The following BAZ1A variants were observed in gnomAD, a reference collection of about 807,000 sequenced individuals.
The protein encoded by BAZ1A is bromodomain adjacent to zinc finger domain protein 1A.
A neutral mutation model predicts 185.2 loss-of-function variants in BAZ1A; 50 were observed. The observed-to-expected ratio is 0.27, with a 90% CI of 0.22 to 0.34. The LOEUF (loss-of-function observed/expected upper bound fraction) is 0.34, where lower values mean the gene tolerates loss of function less well. Ranked by LOEUF, BAZ1A falls within the 10% of genes least tolerant of loss-of-function variation. BAZ1A has a pLI of 1.00. For missense variants in BAZ1A, 1,356 were observed against 1,839.9 expected (o/e 0.74, Z 4.81); for synonymous variants, 571 against 615.6 (o/e 0.93, Z 1.07).
chr14:34,778,875 G>A (rs1879846680), intron 17 of BAZ1A, among the ~76,000 whole-genome samples: 1 of 152,060 alleles, frequency 6.6e-6, no homozygotes, highest in Admixed American at 6.6e-5. Flanking sequence ...ATTTTTTTGA[G>A]AAAGGACCTT....
chr14:34,853,576 G>A (rs113447289), intron 3 of BAZ1A, among the ~76,000 whole-genome samples: 9,501 of 152,234 alleles, frequency 0.062, 398 homozygotes, highest in Non-Finnish European at 0.097. Flanking sequence ...TTTAAGGTCA[G>A]GAGTTTGAGA....
chr14:34,806,978 C>A (rs1566572787), intron 6 of BAZ1A, among the ~76,000 whole-genome samples: 2 of 150,740 alleles, frequency 1.3e-5, no homozygotes, highest in African/African-American at 4.9e-5. Context: ...CCAGGCTGGT[C>A]TCCTGGGCTC....
intron 3 of BAZ1A, among the ~76,000 whole-genome samples, chr14:34,856,421 C>G (rs980728292): frequency 6.6e-6 from 1 of 151,710 alleles, no homozygotes; most frequent in African/African-American, 2.4e-5. Flanking sequence ...GTAGCTAGGA[C>G]TACAGGCACA....
At chr14:34,825,463 A>AAAAAG (rs2042153443) in intron 4 of BAZ1A, among the ~76,000 whole-genome samples, 1 of 108,522 alleles carries the variant, frequency 9.2e-6, no homozygotes, top group Non-Finnish European at 2.0e-5. Context: ...AAAAAAAAAA[A>AAAAAG]AAAAAAAAAA....
At chr14:34,843,119 T>TAA (rs11389052) in intron 3 of BAZ1A, among the ~76,000 whole-genome samples, 66 of 141,250 alleles carry the variant, frequency 4.7e-4, no homozygotes, top group South Asian at 2.0e-3. Context: ...AGGGACTGGC[T>TAA]AAAAAAAAAA....
intron 16 of BAZ1A, among the ~76,000 whole-genome samples, chr14:34,780,600 G>T (rs1358765864): frequency 6.6e-6 from 1 of 152,186 alleles, no homozygotes; most frequent in Non-Finnish European, 1.5e-5. Flanking sequence ...ATTTTACAAT[G>T]TGAGACCAGG....
At chr14:34,834,475 A>G (rs959111893) in intron 3 of BAZ1A, among the ~76,000 whole-genome samples, 3 of 152,212 alleles carry the variant, frequency 2.0e-5, no homozygotes, top group Non-Finnish European at 4.4e-5. Flanking sequence ...GGACTAATAT[A>G]TTTAAAACCA....
At chr14:34,819,537 C>A (rs563063951) in intron 4 of BAZ1A, among the ~76,000 whole-genome samples, 1 of 152,186 alleles carries the variant, frequency 6.6e-6, no homozygotes, top group African/African-American at 2.4e-5. Context: ...TCAGTTAGTA[C>A]ATATGCATTT....
chr14:34,844,391 CAT>C (rs913712111), intron 3 of BAZ1A, among the ~76,000 whole-genome samples: 2 of 152,014 alleles, frequency 1.3e-5, no homozygotes, highest in African/African-American at 2.4e-5. Context: ...CAAATGGAAA[CAT>C]ATTCTGTGTT....
chr14:34,835,819 G>T (rs891388154), intron 3 of BAZ1A, among the ~76,000 whole-genome samples: 2 of 151,330 alleles, frequency 1.3e-5, no homozygotes, highest in African/African-American at 4.9e-5. Flanking sequence ...TTACAAGCAT[G>T]CGCCACCACG....
At position 34,754,841 on chromosome 14, in the gene BAZ1A, T is replaced by C; in HGVS notation, c.4460A>G (p.Glu1487Gly). ...NIIREKVNKC[E>G]YKLASEFIDD... ...AAATTACTTACATGCTAATTTATAT[T>C]CACACTTATTCACTTTTTCACGAAT... The change falls in exon 26 of 27, where the codon GAA becomes GGA. Residue 1487 changes from glutamate to glycine, a missense_variant. Glu to Gly is a moderately conservative substitution (Grantham distance 98). Transcript: ENST00000360310. The C allele has an allele frequency of 6.3e-7, 1 of 1,593,992 alleles. No individual in the cohort carries two copies. Among genetic ancestry groups the C allele is most frequent in the Non-Finnish European group, 8.6e-7 (1 of 1,166,670 alleles).
chr14:34,798,775 C>T (rs1332255140), intron 9 of BAZ1A, among the ~76,000 whole-genome samples: 2 of 152,150 alleles, frequency 1.3e-5, no homozygotes, highest in Admixed American at 1.3e-4. Flanking sequence ...AATGCTTTTA[C>T]ACCGTTGGCT....
chr14:34,800,130 G>T, intron 9 of BAZ1A, 94 bp downstream of exon 9: 1 of 1,157,910 alleles, frequency 8.6e-7, no homozygotes, highest in South Asian at 2.3e-5. Flanking sequence ...GTGAATGAAA[G>T]TAGTAAAAGC....
intron 21 of BAZ1A, among the ~76,000 whole-genome samples, chr14:34,769,386 T>C (rs1879062218): frequency 6.6e-6 from 1 of 152,190 alleles, no homozygotes; most frequent in Non-Finnish European, 1.5e-5. Flanking sequence ...AACAAACTTT[T>C]CTTATTTCAC....
intron 24 of BAZ1A, 29 bp from the exon 25 acceptor site, chr14:34,758,875 G>A (rs1886385338): frequency 2.5e-6 from 4 of 1,606,122 alleles, no homozygotes; most frequent in Non-Finnish European, 3.4e-6. Flanking sequence ...CATTTTAGGT[G>A]ATAACAAAGC....
At chr14:34,858,314 G>A (rs1033372958) in intron 3 of BAZ1A, among the ~76,000 whole-genome samples, 5 of 152,054 alleles carry the variant, frequency 3.3e-5, no homozygotes, top group African/African-American at 1.2e-4. Context: ...CTGGAGTGCA[G>A]TGGCGTGATC....
At chr14:34,868,253 C>T (rs370463891) in intron 2 of BAZ1A, among the ~76,000 whole-genome samples, 1 of 152,078 alleles carries the variant, frequency 6.6e-6, no homozygotes, top group Non-Finnish European at 1.5e-5. Flanking sequence ...GACCCTATGG[C>T]CAAGCAAAGC....
At chr14:34,832,215 C>CATATATATATAT (rs796421959) in intron 3 of BAZ1A, among the ~76,000 whole-genome samples, 68 of 89,514 alleles carry the variant, frequency 7.6e-4, no homozygotes, top group Middle Eastern at 5.7e-3. Flanking sequence ...CACACACACA[C>CATATATATATAT]ATATATATAT....
At chr14:34,778,666 T>G (rs1879826419) in intron 17 of BAZ1A, among the ~76,000 whole-genome samples, 1 of 152,204 alleles carries the variant, frequency 6.6e-6, no homozygotes, top group Non-Finnish European at 1.5e-5. Context: ...GCATACATTT[T>G]CAAATTCATC....
Sources: allele counts gnomAD v4.1 joint callset (sites outside exome capture counted in the v4.1 genomes callset), GRCh38; gene constraint gnomAD v4.1.1; transcripts MANE v1.5; gene names NCBI Gene and HGNC (gene_info 2026-07-23, HGNC 2026-07-21).